The following FBXL17 variants were observed in gnomAD, a reference collection of about 807,000 sequenced individuals.
FBXL17 encodes the protein F-box/LRR-repeat protein 17.
A neutral mutation model predicts 66.2 loss-of-function variants in FBXL17; 22 were observed. The ratio of observed to expected loss-of-function variants is 0.33; its 90% CI spans 0.24 to 0.47. The LOEUF (loss-of-function observed/expected upper bound fraction) is 0.47. Ranked by LOEUF, FBXL17 falls within the 20% of genes least tolerant of loss-of-function variation. The probability of loss-of-function intolerance (pLI) is 1.00; values close to 1 mark genes in which losing one functional copy is unlikely to be tolerated. For synonymous variants in FBXL17, 474 were observed against 400.5 expected (o/e 1.18, Z -2.19); for missense variants, 878 against 948.2 (o/e 0.93, Z 0.97).
chr5:108,370,146 A>G (rs1580908858), intron 1 of FBXL17, among the ~76,000 whole-genome samples: 1 of 152,326 alleles, frequency 6.6e-6, no homozygotes, highest in East Asian at 1.9e-4. Context: ...ATGTGCAGGC[A>G]TGGGGAGAAC....
At chr5:108,013,082 G>A (rs1754247488) in intron 7 of FBXL17, among the ~76,000 whole-genome samples, 1 of 148,176 alleles carries the variant, frequency 6.7e-6, no homozygotes, top group Non-Finnish European at 1.5e-5. Flanking sequence ...AATGAATAAT[G>A]CCCACAGAAA....
At chr5:108,310,153 G>A (rs534307940) in intron 4 of FBXL17, among the ~76,000 whole-genome samples, 3 of 152,086 alleles carry the variant, frequency 2.0e-5, no homozygotes, top group African/African-American at 7.2e-5. Context: ...GGATTTTCTG[G>A]CATAATATTT....
intron 6 of FBXL17, among the ~76,000 whole-genome samples, chr5:108,178,704 C>T (rs1373035171): frequency 6.6e-6 from 1 of 152,208 alleles, no homozygotes; most frequent in Non-Finnish European, 1.5e-5. Flanking sequence ...AGACAGATTG[C>T]TCTGCATTCT....
intron 6 of FBXL17, among the ~76,000 whole-genome samples, chr5:108,038,958 T>A (rs1171238747): frequency 6.6e-6 from 1 of 152,032 alleles, no homozygotes; most frequent in Non-Finnish European, 1.5e-5. Flanking sequence ...TAGATGCAGA[T>A]AAAAGGTCTC....
intron 6 of FBXL17, among the ~76,000 whole-genome samples, chr5:108,035,265 T>C (rs1746796432): frequency 6.6e-6 from 1 of 152,188 alleles, no homozygotes; most frequent in South Asian, 2.1e-4. Flanking sequence ...AATCTGTGAG[T>C]TTAAAAATCT....
intron 4 of FBXL17, among the ~76,000 whole-genome samples, chr5:108,342,631 T>G (rs1746958819): frequency 6.6e-6 from 1 of 152,164 alleles, no homozygotes; most frequent in Non-Finnish European, 1.5e-5. Context: ...AAGAGAAGTT[T>G]GGGAATCTTA....
intron 5 of FBXL17, among the ~76,000 whole-genome samples, chr5:108,223,137 C>A (rs770579986): frequency 2.6e-5 from 4 of 152,226 alleles, no homozygotes; most frequent in Admixed American, 2.0e-4. Context: ...GTTATAATGG[C>A]GCCCAGGGTC....
chr5:107,981,402 C>T (rs1245521955), intron 7 of FBXL17, among the ~76,000 whole-genome samples: 1 of 152,178 alleles, frequency 6.6e-6, no homozygotes, highest in Non-Finnish European at 1.5e-5. Flanking sequence ...ATGGAGTGAC[C>T]ACAACTGTGG....
chr5:108,075,824 CT>C (rs1280091053), intron 6 of FBXL17, among the ~76,000 whole-genome samples: 1 of 152,030 alleles, frequency 6.6e-6, no homozygotes, highest in Non-Finnish European at 1.5e-5. Context: ...CACAGCTAAA[CT>C]TTTAAAGTCA....
At chr5:107,977,917 C>T (rs1752645282) in intron 7 of FBXL17, among the ~76,000 whole-genome samples, 1 of 152,126 alleles carries the variant, frequency 6.6e-6, no homozygotes, top group Admixed American at 6.5e-5. Flanking sequence ...GCTCTCTGGG[C>T]AGATGTAGGT....
At chr5:108,091,913 G>T (rs1184645004) in intron 6 of FBXL17, among the ~76,000 whole-genome samples, 1 of 152,146 alleles carries the variant, frequency 6.6e-6, no homozygotes, top group Non-Finnish European at 1.5e-5. Flanking sequence ...ATAGCAAAAT[G>T]AAATATTTAG....
chr5:107,929,506 G>T (rs1335436084), intron 7 of FBXL17, among the ~76,000 whole-genome samples: 4 of 152,046 alleles, frequency 2.6e-5, no homozygotes, highest in African/African-American at 9.7e-5. Context: ...AAATACTTAA[G>T]CACACACATA....
At chr5:108,274,466 C>T (rs1008171416) in intron 4 of FBXL17, among the ~76,000 whole-genome samples, 4 of 152,274 alleles carry the variant, frequency 2.6e-5, no homozygotes, top group Middle Eastern at 3.4e-3. Flanking sequence ...GTTTCCTGAA[C>T]GTTGCTGTTA....
At chr5:108,215,874 A>G (rs1445324273) in intron 5 of FBXL17, among the ~76,000 whole-genome samples, 1 of 152,116 alleles carries the variant, frequency 6.6e-6, no homozygotes, top group Non-Finnish European at 1.5e-5. Context: ...GTTAATTTTT[A>G]TATATGGTCT....
intron 6 of FBXL17, among the ~76,000 whole-genome samples, chr5:108,170,219 T>C (rs1752556032): frequency 6.6e-6 from 1 of 152,150 alleles, no homozygotes; most frequent in Non-Finnish European, 1.5e-5. Context: ...GGAAATCATA[T>C]TTCCCAAATG....
chr5:108,348,645 T>C (rs1318835424), intron 3 of FBXL17, 115 bp from the exon 4 acceptor site: 4 of 1,033,168 alleles, frequency 3.9e-6, no homozygotes, highest in East Asian at 5.3e-5. Flanking sequence ...ATATTTATGT[T>C]ACTTGTAAAA....
At chr5:108,134,840 C>A (rs927150864) in intron 6 of FBXL17, among the ~76,000 whole-genome samples, 2 of 152,118 alleles carry the variant, frequency 1.3e-5, no homozygotes, top group Non-Finnish European at 2.9e-5. Flanking sequence ...TGCTTTGTCC[C>A]CCACTTACAA....
chr5:108,361,310 T>G (rs1042551278), intron 3 of FBXL17, among the ~76,000 whole-genome samples: 1 of 152,190 alleles, frequency 6.6e-6, no homozygotes, highest in African/African-American at 2.4e-5. Context: ...GAGATTTCCT[T>G]GGATGCCAAA....
At chr5:108,083,446 G>C (rs1748851949) in intron 6 of FBXL17, among the ~76,000 whole-genome samples, 1 of 152,282 alleles carries the variant, frequency 6.6e-6, no homozygotes, top group African/African-American at 2.4e-5. Context: ...TGTCACCCAG[G>C]CTGGAGTGCA....
Sources: gnomAD v4.1 joint callset for allele counts (sites outside exome capture counted in the v4.1 genomes callset) on GRCh38, gnomAD v4.1.1 for gene constraint, MANE v1.5 for transcripts, NCBI Gene and HGNC (gene_info 2026-07-23, HGNC 2026-07-21) for gene names.